Variants in PHRF1 observed in about 807,000 individuals in gnomAD.
PHRF1 encodes PHD and ring finger domains 1, also known as PHD and RING finger domain-containing protein 1.
Under a neutral mutation model 128.9 loss-of-function variants are expected in PHRF1, and 53 were observed. The observed-to-expected ratio is 0.41, with a 90% CI of 0.33 to 0.52. PHRF1 has a LOEUF of 0.52. PHRF1 is among the 20% of genes least tolerant of loss of function. PHRF1 has a pLI of 0.21. For synonymous variants in PHRF1, 1,178 were observed against 980.6 expected, an observed-to-expected ratio of 1.20 and a Z score of -3.76; for missense variants, 2,503 against 2,284.5, an observed-to-expected ratio of 1.10 and a Z score of -1.95.
At chr11:599,007 T>TG (rs1855469895) in intron 9 of PHRF1, among the ~76,000 whole-genome samples, 1 of 152,302 alleles carries the variant, frequency 6.6e-6, no homozygotes, top group South Asian at 2.1e-4. Context: ...CACTGTGAAG[T>TG]GACTAATTCT....
At chr11:584,729 CTTTTTTTTT>C (rs869125196) in intron 3 of PHRF1, among the ~76,000 whole-genome samples, 1 of 90,310 alleles carries the variant, frequency 1.1e-5, no homozygotes, top group Non-Finnish European at 2.1e-5. Flanking sequence ...TCTCCAGGAC[CTTTTTTTTT>C]TTTTTTTTTT....
chr11:609,733 C>A lies in PHRF1; in HGVS notation c.4264+13C>A. 3 of 1,442,106 alleles carry A rather than the reference C, an allele frequency of 2.1e-6. No individual in the cohort carries two copies. Among genetic ancestry groups the A allele is most frequent in the Non-Finnish European group, 2.7e-6 (3 of 1,096,596 alleles). The allele number at this position is 1,442,106 out of a possible 1,614,324, so 89.3% of individuals were successfully genotyped here. Reference sequence around the variant, plus strand: ...GACAGAGCCCCCCGTGAGTAGTGCCCCGGCCCCCACCGAGGACAGAGCCCC... The same window carrying A: ...GACAGAGCCCCCCGTGAGTAGTGCCACGGCCCCCACCGAGGACAGAGCCCC... On this transcript the variant is annotated intron_variant, in intron 14 of 17. Transcript: ENST00000264555.
intron 6 of PHRF1, among the ~76,000 whole-genome samples, chr11:594,839 C>T (rs1855188661): frequency 6.6e-6 from 1 of 152,206 alleles, no homozygotes; most frequent in Non-Finnish European, 1.5e-5. Context: ...ATTACATTTA[C>T]AAACTTGATA....
chr11:580,877 C>G lies in PHRF1; in HGVS notation c.-21-615C>G, dbSNP rs537066114. Among the ~76,000 whole-genome samples, 4 of 151,924 alleles carry G rather than the reference C, an allele frequency of 2.6e-5. No individual in the cohort carries two copies. In the East Asian group the frequency reaches 7.7e-4, roughly 29 times the overall value. On this transcript the variant is annotated intron_variant, in intron 1 of 17. Coordinates refer to ENST00000264555, the MANE Select transcript of PHRF1 (RefSeq NM_001286581.2). ...CTAATTTTTGTATTTTTAGTAGAGA[C>G]GGGGTTTCATCATGCTGGCCAGGCT...
intron 3 of PHRF1, among the ~76,000 whole-genome samples, 174 bp from the exon 4 acceptor site, chr11:587,085 C>T (rs1363435172): frequency 6.6e-6 from 1 of 152,198 alleles, no homozygotes; most frequent in African/African-American, 2.4e-5. Context: ...GCAGGGCTCC[C>T]AGGGTTGTGG....
At chr11:579,312 G>A (rs978969204) in intron 1 of PHRF1, among the ~76,000 whole-genome samples, 6 of 149,874 alleles carry the variant, frequency 4.0e-5, no homozygotes, top group Non-Finnish European at 5.9e-5. Flanking sequence ...TTCCTTGGTA[G>A]ATTCATGTGA....
At chr11:583,122 G>C (rs11246201) in intron 3 of PHRF1, among the ~76,000 whole-genome samples, 12,599 of 151,552 alleles carry the variant, frequency 0.083, 519 homozygotes, top group Middle Eastern at 0.2. Context: ...GGGCGGATCA[G>C]GAGGTCAGGA....
Position 605,095 on chromosome 11 carries a change from C to G in PHRF1, c.1153-24C>G, listed in dbSNP as rs376379850. 6.9e-6 allele frequency: 11 copies of G among 1,593,320 alleles called. No homozygotes were observed. The African/African-American group carries it at 1.5e-4, about 21-fold the overall frequency. On this transcript the variant is annotated intron_variant, in intron 10 of 17. Coordinates refer to ENST00000264555, the MANE Select transcript of PHRF1 (RefSeq NM_001286581.2). ...ATGCCATCCCCGTCTCTCTGTTCAT[C>G]TTTTTCTTTGTTACTGGATTCAGAG... is the stretch of plus-strand genomic sequence containing the variant.
chr11:583,167 C>T (rs181937777), intron 3 of PHRF1, among the ~76,000 whole-genome samples: 25 of 151,756 alleles, frequency 1.6e-4, no homozygotes, highest in Admixed American at 9.2e-4. Context: ...GGTGAAACCC[C>T]GTCTCTACTA....
intron 6 of PHRF1, 83 bp from the exon 7 acceptor site, chr11:596,840 C>A: frequency 7.9e-7 from 1 of 1,263,152 alleles, no homozygotes; most frequent in Admixed American, 1.8e-5. Flanking sequence ...CATCGGAGGC[C>A]TGCTTTGTGG....
chr11:603,274 T>G (rs1855746720), intron 10 of PHRF1, among the ~76,000 whole-genome samples: 1 of 152,172 alleles, frequency 6.6e-6, no homozygotes, highest in Non-Finnish European at 1.5e-5. Context: ...CAGGCTGGTC[T>G]TAGACTCCCG....
At chr11:598,525 TC>T in intron 9 of PHRF1, 23 bp downstream of exon 9, 1 of 1,596,182 alleles carries the variant, frequency 6.3e-7, no homozygotes, top group Non-Finnish European at 8.5e-7. Flanking sequence ...GGATGGACTC[TC>T]CCGCCAGCCA....
Position 592,748 on chromosome 11 carries a change from C to T in PHRF1, c.620+74C>T, listed in dbSNP as rs971684660. ...GGCCAGGCGCAGGAGGGATGCAGAGCCTCTTCGCTCTGTGAAGTCTGAGTC... is the reference window on the plus strand; with the variant it reads ...GGCCAGGCGCAGGAGGGATGCAGAGTCTCTTCGCTCTGTGAAGTCTGAGTC... On this transcript the variant is annotated intron_variant, in intron 6 of 17. Coordinates refer to ENST00000264555, the MANE Select transcript of PHRF1 (RefSeq NM_001286581.2). 4.9e-5 allele frequency: 73 copies of T among 1,489,420 alleles called. No individual in the cohort carries two copies. The Admixed American group carries it at 7.9e-4, about 16-fold the overall frequency. The allele number at this position is 1,489,420 out of a possible 1,614,324, so 92.3% of individuals were successfully genotyped here.
chr11:591,747 T>C (rs1199536425), intron 5 of PHRF1, among the ~76,000 whole-genome samples: 1 of 152,096 alleles, frequency 6.6e-6, no homozygotes, highest in African/African-American at 2.4e-5. Flanking sequence ...GCCCGTCTGC[T>C]CGGAGCTCTT....
chr11:581,171 G>A (rs1187215625), intron 1 of PHRF1, among the ~76,000 whole-genome samples: 1 of 151,926 alleles, frequency 6.6e-6, no homozygotes, highest in Non-Finnish European at 1.5e-5. Context: ...ACAGTGGCCA[G>A]CTAGGATCTG....
rs773912938 is a variant in PHRF1, at chr11:608,224, C to T, written c.2768C>T (p.Thr923Ile). ...TCTGACACGGAGCGAGAGGAGCCCA[C>T]AGAGAGCCAGGGCCTGGCTGCCCGG... is the stretch of plus-strand genomic sequence containing the variant. Reference protein sequence around the residue: ...GASDTEREEPTESQGLAARLR... With the variant: ...GASDTEREEPIESQGLAARLR... The change falls in exon 14 of 18, where the codon ACA becomes ATA. Residue 923 changes from threonine to isoleucine, a missense_variant. Physicochemically the swap from Thr to Ile is moderately conservative, Grantham distance 89 (BLOSUM62 -1). Transcript: ENST00000264555. 4 of 1,609,756 alleles carry T rather than the reference C, an allele frequency of 2.5e-6. No individual in the cohort carries two copies. Among genetic ancestry groups the T allele is most frequent in the Admixed American group, 1.7e-5 (1 of 60,002 alleles).
At chr11:601,192 C>A (rs1280142079) in intron 9 of PHRF1, among the ~76,000 whole-genome samples, 2 of 152,060 alleles carry the variant, frequency 1.3e-5, no homozygotes. Flanking sequence ...CACCTGTAAT[C>A]CTAGCTCTTT....
At chr11:604,457 A>C (rs1855827290) in intron 10 of PHRF1, among the ~76,000 whole-genome samples, 1 of 152,256 alleles carries the variant, frequency 6.6e-6, no homozygotes, top group South Asian at 2.1e-4. Context: ...GAATTTAGGA[A>C]TAATGACAGC....
At chr11:582,505 G>A (rs186768427) in intron 3 of PHRF1, among the ~76,000 whole-genome samples, 20 of 151,836 alleles carry the variant, frequency 1.3e-4, no homozygotes, top group Non-Finnish European at 2.2e-4. Context: ...CAAGTGAGCC[G>A]CTGTGCCTGG....
Sources: gnomAD v4.1 joint callset for allele counts (sites outside exome capture counted in the v4.1 genomes callset) on GRCh38, gnomAD v4.1.1 for gene constraint, MANE v1.5 for transcripts, NCBI Gene and HGNC (gene_info 2026-07-23, HGNC 2026-07-21) for gene names.